The following NHEJ1 variants were observed in gnomAD, a reference collection of about 807,000 sequenced individuals.
NHEJ1 encodes the protein non-homologous end-joining factor 1.
NHEJ1 carries 22 observed loss-of-function variants against 39.4 expected under a neutral mutation model. The ratio of observed to expected loss-of-function variants is 0.56; its 90% CI spans 0.40 to 0.80. NHEJ1 has a LOEUF of 0.80. Among genes scored for constraint, NHEJ1 ranks in the 30% least tolerant of loss-of-function variants. The pLI is 0.00. For synonymous variants in NHEJ1, 154 were observed against 135.6 expected (o/e 1.14, Z -0.94); for missense variants, 329 against 357.1 (o/e 0.92, Z 0.63).
intron 5 of NHEJ1, among the ~76,000 whole-genome samples, chr2:219,116,884 G>C (rs906967757): frequency 5.9e-5 from 9 of 152,082 alleles, no homozygotes; most frequent in Non-Finnish European, 1.3e-4. Context: ...CTCCTTTGTT[G>C]ATTTAGTTCA....
In NHEJ1 at chr2:219,071,592, A is replaced by C. The variant is rs138565255; in HGVS notation, c.*4789T>G. Among the ~76,000 whole-genome samples, 1 of 152,190 alleles carries C rather than the reference A, an allele frequency of 6.6e-6. No individual in the cohort carries two copies. The highest frequency in any genetic ancestry group is 1.5e-5 in the Non-Finnish European group (1 of 68,034). On this transcript the variant is annotated 3_prime_UTR_variant, in exon 8 of 8. Coordinates refer to ENST00000356853, the MANE Select transcript of NHEJ1 (RefSeq NM_024782.3). ...AGCAGCCCCTGAACCCTACTCCCCA[A>C]TTCTAACTCTGCTACTGTTTTGGGC...
Position 219,145,601 on chromosome 2 carries a change from A to C in NHEJ1, c.588+1079T>G, listed in dbSNP as rs569614174. Reference sequence around the variant, plus strand: ...GATTATAATAGCATTATTTACTTACATGATAAAGTACCAACTTGGGTAACA... The same window carrying C: ...GATTATAATAGCATTATTTACTTACCTGATAAAGTACCAACTTGGGTAACA... On this transcript the variant is annotated intron_variant, in intron 5 of 7. Coordinates refer to ENST00000356853, the MANE Select transcript of NHEJ1 (RefSeq NM_024782.3). 3.9e-5 allele frequency among the ~76,000 whole-genome samples: 6 copies of C among 152,360 alleles called. No individual in the cohort carries two copies. The South Asian group carries it at 1.2e-3, about 32-fold the overall frequency.
intron 5 of NHEJ1, among the ~76,000 whole-genome samples, chr2:219,119,136 C>T (rs1215975152): frequency 6.6e-6 from 1 of 152,142 alleles, no homozygotes; most frequent in Non-Finnish European, 1.5e-5. Context: ...TCCCTTAACC[C>T]CACTCCCAGT....
intron 3 of NHEJ1, among the ~76,000 whole-genome samples, chr2:219,149,911 A>G (rs1303171787): frequency 3.9e-5 from 6 of 152,250 alleles, no homozygotes; most frequent in South Asian, 2.1e-4. Context: ...GAGCTTTACA[A>G]AAACAGGCAG....
At chr2:219,090,930 A>G (rs967717838) in intron 5 of NHEJ1, among the ~76,000 whole-genome samples, 1 of 151,916 alleles carries the variant, frequency 6.6e-6, no homozygotes, top group African/African-American at 2.4e-5. Flanking sequence ...CACTCTATTC[A>G]TTTTCCTCAA....
intron 5 of NHEJ1, among the ~76,000 whole-genome samples, chr2:219,116,523 ATTTT>A (rs1157410575): frequency 6.6e-6 from 1 of 151,930 alleles, no homozygotes; most frequent in Admixed American, 6.6e-5. Flanking sequence ...CACCTGGCTA[ATTTT>A]TGTCTTTTTT....
At position 219,099,119 on chromosome 2, in the gene NHEJ1, C is replaced by T. The variant is rs115108120; in HGVS notation, c.589-20913G>A. Reference sequence around the variant, plus strand: ...CGGCAAAACAGGATGGGGATGTGCTCGGAAAGTGGCATGTTTAAAACTGAG... The same window carrying T: ...CGGCAAAACAGGATGGGGATGTGCTTGGAAAGTGGCATGTTTAAAACTGAG... On this transcript the variant is annotated intron_variant, in intron 5 of 7. Coordinates refer to ENST00000356853, the MANE Select transcript of NHEJ1 (RefSeq NM_024782.3). Among the ~76,000 whole-genome samples, 526 of 150,860 alleles carry T rather than the reference C, an allele frequency of 3.5e-3. 3 individuals are homozygous for T. The highest frequency in any genetic ancestry group is 3.7e-3 in the Non-Finnish European group (253 of 67,486).
intron 4 of NHEJ1, 65 bp from the exon 5 acceptor site, chr2:219,146,803 A>C: frequency 1.6e-6 from 2 of 1,248,726 alleles, no homozygotes; most frequent in Non-Finnish European, 2.4e-6. Context: ...TACCTGATGG[A>C]AAGGGAACAG....
chr2:219,157,416 T>C, intron 3 of NHEJ1, 56 bp downstream of exon 3: 1 of 1,483,304 alleles, frequency 6.7e-7, no homozygotes, highest in Non-Finnish European at 9.4e-7. Context: ...CACCTAAAGC[T>C]TCCTCTCAAA....
intron 5 of NHEJ1, among the ~76,000 whole-genome samples, chr2:219,098,113 G>A (rs1289521036): frequency 3.3e-5 from 5 of 152,152 alleles, no homozygotes; most frequent in African/African-American, 7.2e-5. Context: ...ATTTTGCAAC[G>A]AAAAAGTCAT....
At chr2:219,151,770 C>A (rs1439765870) in intron 3 of NHEJ1, among the ~76,000 whole-genome samples, 1 of 152,140 alleles carries the variant, frequency 6.6e-6, no homozygotes. Flanking sequence ...AATGCAAGAT[C>A]AGCCTGGCCA....
At chr2:219,154,927 T>G (rs1055626550) in intron 3 of NHEJ1, among the ~76,000 whole-genome samples, 4 of 147,510 alleles carry the variant, frequency 2.7e-5, no homozygotes, top group African/African-American at 9.8e-5. Flanking sequence ...TAATATAGAT[T>G]AATATAACAT....
At chr2:219,144,827 G>T (rs1170752746) in intron 5 of NHEJ1, among the ~76,000 whole-genome samples, 1 of 152,168 alleles carries the variant, frequency 6.6e-6, no homozygotes, top group Non-Finnish European at 1.5e-5. Context: ...TAAACTTATA[G>T]ACAGGGGAAG....
At chr2:219,113,761 C>G (rs1304141733) in intron 5 of NHEJ1, among the ~76,000 whole-genome samples, 2 of 152,190 alleles carry the variant, frequency 1.3e-5, no homozygotes, top group African/African-American at 4.8e-5. Flanking sequence ...ACCTATTAAG[C>G]TACAGCCAGA....
At chr2:219,128,721 CT>C (rs1271183013) in intron 5 of NHEJ1, among the ~76,000 whole-genome samples, 2 of 152,322 alleles carry the variant, frequency 1.3e-5, no homozygotes, top group East Asian at 3.9e-4. Flanking sequence ...CCAACCACCC[CT>C]GACACACAAA....
chr2:219,087,391 C>T (rs1574704358), intron 5 of NHEJ1, among the ~76,000 whole-genome samples: 2 of 137,390 alleles, frequency 1.5e-5, no homozygotes, highest in African/African-American at 2.5e-5. Context: ...TTTTTTTTTT[C>T]CCTGACTTGG....
chr2:219,130,006 C>T (rs1379135479), intron 5 of NHEJ1, among the ~76,000 whole-genome samples: 3 of 144,516 alleles, frequency 2.1e-5, no homozygotes, highest in Non-Finnish European at 3.0e-5. Context: ...TCTCTCAGTT[C>T]TATTTTCAGA....
At chr2:219,097,220 C>T (rs79962676) in intron 5 of NHEJ1, among the ~76,000 whole-genome samples, 2,938 of 152,210 alleles carry the variant, frequency 0.019, 105 homozygotes, top group African/African-American at 0.066. Context: ...TTTAAACTTA[C>T]GATGGGTTTA....
At chr2:219,129,054 A>G (rs1451936177) in intron 5 of NHEJ1, among the ~76,000 whole-genome samples, 1 of 152,228 alleles carries the variant, frequency 6.6e-6, no homozygotes, top group African/African-American at 2.4e-5. Flanking sequence ...TGCTGTACCA[A>G]ACTAAATCCA....
Sources: allele counts gnomAD v4.1 joint callset (sites outside exome capture counted in the v4.1 genomes callset), GRCh38; gene constraint gnomAD v4.1.1; transcripts MANE v1.5; gene names NCBI Gene and HGNC (gene_info 2026-07-23, HGNC 2026-07-21).